The following SFR1 variants were observed in gnomAD, a reference collection of about 807,000 sequenced individuals.
The protein encoded by SFR1 is swi5-dependent recombination DNA repair protein 1 homolog.
SFR1 carries 24 observed loss-of-function variants against 26.2 expected under a neutral mutation model. The observed-to-expected ratio is 0.92, with a 90% confidence interval of 0.66 to 1.29. The LOEUF is 1.29. Ranked by LOEUF, SFR1 falls within the 50% of genes most tolerant of loss-of-function variation. The pLI is 0.00. For missense variants in SFR1, 276 were observed against 270.2 expected, an observed-to-expected ratio of 1.02 and a Z score of -0.15; for synonymous variants, 77 against 96.6, an observed-to-expected ratio of 0.80 and a Z score of 1.19.
At position 104,122,926 on chromosome 10, in the gene SFR1, T is replaced by G. The variant is rs774509171; in HGVS notation, c.14-39T>G. On this transcript the variant is annotated intron_variant, in intron 1 of 3. Transcript: ENST00000369727. ...TTGATAAAAGTCGACTATAGAGAGG[T>G]GTGGTTAATTCGATTATTTTATAAT... The G allele has an allele frequency of 3.7e-6, 6 of 1,604,558 alleles. No individual in the cohort carries two copies. The East Asian group carries it at 1.3e-4, about 36-fold the overall frequency.
upstream of SFR1, among the ~76,000 whole-genome samples, chr10:104,121,018 C>T (rs1434986712): frequency 2.0e-5 from 3 of 152,048 alleles, no homozygotes; most frequent in Non-Finnish European, 4.4e-5. Context: ...AGAAGTTACT[C>T]AACTCTTTCA....
upstream of SFR1, chr10:104,121,970 G>A (rs1036090104): frequency 1.9e-5 from 10 of 539,552 alleles, no homozygotes; most frequent in Non-Finnish European, 3.3e-5. Flanking sequence ...CATGCGTCTG[G>A]GCCTCCCATC....
intron 1 of SFR1, 26 bp downstream of exon 1, chr10:104,122,222 T>A (rs1206654389): frequency 6.5e-7 from 1 of 1,533,282 alleles, no homozygotes; most frequent in African/African-American, 1.4e-5. Context: ...GAAGGGGGGA[T>A]CCCTGACACC....
chr10:104,125,759 C>T lies in SFR1; in HGVS notation c.*55C>T. On this transcript the variant is annotated 3_prime_UTR_variant, in exon 4 of 4. Coordinates refer to ENST00000369727, the MANE Select transcript of SFR1 (RefSeq NM_001002759.2). The stretch of plus-strand genomic sequence containing the variant: ...AGAATGACAACTTAATTAAAAGATA[C>T]TTAGGCACTTTTTTTTTTTTTTTGA... 1 of 1,202,936 alleles carries T rather than the reference C, an allele frequency of 8.3e-7. No individual in the cohort carries two copies. The highest frequency in any genetic ancestry group is 1.2e-6 in the Non-Finnish European group (1 of 857,622). The allele number at this position is 1,202,936 out of a possible 1,614,324, so 74.5% of individuals were successfully genotyped here.
In SFR1 at chr10:104,123,888, CAT is replaced by C; in HGVS notation, c.314_315del (p.Ile105ArgfsTer3). 6.2e-7 allele frequency: 1 copy of C among 1,612,934 alleles called. No individual in the cohort carries two copies. Among genetic ancestry groups the C allele is most frequent in the Non-Finnish European group, 8.5e-7 (1 of 1,179,702 alleles). On this transcript the variant is annotated frameshift_variant, in exon 3 of 4. Coordinates refer to ENST00000369727, the MANE Select transcript of SFR1 (RefSeq NM_001002759.2). LOFTEE classifies it high-confidence loss of function. ...TTTGGAATTTCAAGAAAGTTTTAAACATATAGACAGTGAATTTGAAGAAAATA... is the reference window on the plus strand; with the variant it reads ...TTTGGAATTTCAAGAAAGTTTTAAACATAGACAGTGAATTTGAAGAAAATA... Reference protein sequence around the residue: ...NCLEFQESFKHIDSEFEENTN... With the variant: ...NCLEFQESFKXIDSEFEENTN...
chr10:104,122,523 G>T, intron 1 of SFR1: 1 of 985,414 alleles, frequency 1.0e-6, no homozygotes, highest in Non-Finnish European at 1.2e-6. Context: ...CGGGCCGGCA[G>T]GGTAACGGGT....
chr10:104,122,939 A>C, intron 1 of SFR1, 26 bp from the exon 2 acceptor site: 1 of 1,609,296 alleles, frequency 6.2e-7, no homozygotes, highest in Non-Finnish European at 8.5e-7. Flanking sequence ...GGTTAATTCG[A>C]TTATTTTATA....
chr10:104,124,856 G>A (rs1326706136), intron 3 of SFR1, among the ~76,000 whole-genome samples: 1 of 152,126 alleles, frequency 6.6e-6, no homozygotes, highest in Non-Finnish European at 1.5e-5. Flanking sequence ...GAGGGCAGTG[G>A]TGCAGTCATA....
chr10:104,125,601 A>C lies in SFR1; in HGVS notation c.635A>C (p.Glu212Ala). 6.2e-7 allele frequency: 1 copy of C among 1,613,722 alleles called. No individual in the cohort carries two copies. The highest frequency in any genetic ancestry group is 8.5e-7 in the Non-Finnish European group (1 of 1,179,690). The change falls in exon 4 of 4, where the codon GAA (glutamate) becomes GCA (alanine). Residue 212 changes from glutamate (E) to alanine (A), a missense_variant. Physicochemically the swap from Glu to Ala is moderately radical, Grantham distance 107 (BLOSUM62 -1). Coordinates refer to ENST00000369727, the MANE Select transcript of SFR1 (RefSeq NM_001002759.2). ...LLYELQSAVS[E>A]ENKKLSLTQL... is the part of the protein sequence containing the mutation. ...TATGAGTTGCAGTCAGCTGTGTCTG[A>C]AGAGAACAAGAAACTAAGCCTTACT...
chr10:104,122,879 G>T (rs78641635), intron 1 of SFR1, 86 bp from the exon 2 acceptor site: 1 of 1,573,904 alleles, frequency 6.4e-7, no homozygotes, highest in Non-Finnish European at 8.6e-7. Context: ...TGGATGCTTT[G>T]TACACCAATA....
intron 1 of SFR1, chr10:104,122,549 T>G: frequency 1.0e-6 from 1 of 985,410 alleles, no homozygotes; most frequent in Non-Finnish European, 1.2e-6. Flanking sequence ...TCACAGCTTG[T>G]AGAGTTCAGG....
In SFR1 at chr10:104,124,518, ATAAT is replaced by A. The variant is rs547995910; in HGVS notation, c.546+399_546+402del. 1.3e-3 allele frequency among the ~76,000 whole-genome samples: 198 copies of A among 151,120 alleles called. 1 individual carries two copies. Among genetic ancestry groups the A allele is most frequent in the African/African-American group, 4.5e-3 (187 of 41,396 alleles). ...AGTAATGATCTTGTGTCTCCCCCAA[ATAAT>A]TAATGTGATTCAGCCATTTTATTTG... On this transcript the variant is annotated intron_variant, in intron 3 of 3. Transcript: ENST00000369727.
upstream of SFR1, chr10:104,122,150 C>CG (rs781219844): frequency 3.9e-6 from 6 of 1,547,068 alleles, no homozygotes; most frequent in Non-Finnish European, 5.2e-6. Context: ...GATTTACGGC[C>CG]GCAGGTGCGC....
chr10:104,126,213 T>C lies in SFR1; in HGVS notation c.*509T>C, dbSNP rs1305320318. Reference sequence around the variant, plus strand: ...AACTAGTTTTAATACATTTGTTTTTTATGACAAAAAGTTTTATTTTAAATG... The same window carrying C: ...AACTAGTTTTAATACATTTGTTTTTCATGACAAAAAGTTTTATTTTAAATG... On this transcript the variant is annotated 3_prime_UTR_variant, in exon 4 of 4. Coordinates refer to ENST00000369727, the MANE Select transcript of SFR1 (RefSeq NM_001002759.2). 2 of 152,712 alleles carry C rather than the reference T, an allele frequency of 1.3e-5. No homozygotes were observed. Among genetic ancestry groups the C allele is most frequent in the East Asian group, 3.8e-4 (2 of 5,206 alleles). 9.5% of individuals were successfully genotyped at this position (152,712 alleles called of 1,614,324 possible). A position where few individuals can be genotyped will look rare whatever the true frequency, so the allele number is the denominator to read the frequency against.
chr10:104,123,607 T>C, intron 2 of SFR1, 107 bp from the exon 3 acceptor site: 1 of 794,282 alleles, frequency 1.3e-6, no homozygotes, highest in Non-Finnish European at 1.9e-6. Flanking sequence ...CAGAAAGCCA[T>C]CTAGTGGTGT....
At chr10:104,123,319 A>G in intron 2 of SFR1, 1 of 470,426 alleles carries the variant, frequency 2.1e-6, no homozygotes, top group Non-Finnish European at 3.7e-6. Context: ...AGATTAGGTT[A>G]TTACAATACT....
chr10:104,121,935 G>C, upstream of SFR1: 2 of 428,906 alleles, frequency 4.7e-6, no homozygotes, highest in Non-Finnish European at 8.4e-6. Context: ...GGGGAGAGCC[G>C]CGCGCACCGG....
At chr10:104,125,393 G>C (rs1286442073) in intron 3 of SFR1, 120 bp from the exon 4 acceptor site, 1 of 700,696 alleles carries the variant, frequency 1.4e-6, no homozygotes, top group Non-Finnish European at 2.4e-6. Flanking sequence ...CTAGATAGAA[G>C]TCCCATTCAT....
Position 104,125,857 on chromosome 10 carries a change from T to G in SFR1, c.*153T>G. 2.0e-6 allele frequency: 1 copy of G among 499,420 alleles called. No homozygotes were observed. Among genetic ancestry groups the G allele is most frequent in the South Asian group, 2.5e-5 (1 of 39,566 alleles). The allele number at this position is 499,420 out of a possible 1,614,324, so 30.9% of individuals were successfully genotyped here. A position where few individuals can be genotyped will look rare whatever the true frequency, so the allele number is the denominator to read the frequency against. On this transcript the variant is annotated 3_prime_UTR_variant, in exon 4 of 4. Transcript: ENST00000369727. ...CTTGACTCACTGCAACCTCTGCCTC[T>G]CGGGTTCCAGCAATTCTCCTGCCTC...
Sources: gnomAD v4.1 joint callset for allele counts (sites outside exome capture counted in the v4.1 genomes callset) on GRCh38, gnomAD v4.1.1 for gene constraint, MANE v1.5 for transcripts, NCBI Gene and HGNC (gene_info 2026-07-23, HGNC 2026-07-21) for gene names.